The following STARD13 variants were observed in gnomAD, a reference collection of about 807,000 sequenced individuals.
STARD13 encodes StAR related lipid transfer domain containing 13, also known as stAR-related lipid transfer protein 13.
A neutral mutation model predicts 106.4 loss-of-function variants in STARD13; 62 were observed. That is an observed-to-expected ratio of 0.58 (90% CI 0.48 to 0.72). The LOEUF is 0.72. STARD13 is among the 30% of genes least tolerant of loss of function. STARD13 has a pLI of 0.00. For synonymous variants in STARD13, 565 were observed against 553.0 expected (o/e 1.02, Z -0.31); for missense variants, 1,387 against 1,424.0 (o/e 0.97, Z 0.42).
chr13:33,360,458 C>A, the STARD13 span, among the ~76,000 whole-genome samples: 1 of 151,750 alleles, frequency 6.6e-6, no homozygotes, highest in African/African-American at 2.4e-5. Flanking sequence ...CACACCTCGG[C>A]CTCCCAAAAT....
the STARD13 span, among the ~76,000 whole-genome samples, chr13:33,499,170 A>T: frequency 6.6e-6 from 1 of 152,140 alleles, no homozygotes; most frequent in East Asian, 1.9e-4. Flanking sequence ...AACAAAAACA[A>T]AAACAAATTT....
chr13:33,323,752 A>G (rs111457709), intron 1 of STARD13, among the ~76,000 whole-genome samples: 52 of 152,366 alleles, frequency 3.4e-4, no homozygotes, highest in African/African-American at 1.2e-3. Flanking sequence ...AGAAATATGC[A>G]TCATGCTCTT....
chr13:33,454,914 G>T, the STARD13 span, among the ~76,000 whole-genome samples: 1 of 152,190 alleles, frequency 6.6e-6, no homozygotes, highest in Non-Finnish European at 1.5e-5. Flanking sequence ...GAGAAGATTG[G>T]TGACTCAGTA....
At chr13:33,633,993 A>G in the STARD13 span, among the ~76,000 whole-genome samples, 1 of 152,224 alleles carries the variant, frequency 6.6e-6, no homozygotes, top group Admixed American at 6.5e-5. Flanking sequence ...GATTCATCAG[A>G]CAGTCTAGAC....
At chr13:33,414,032 CA>C in the STARD13 span, among the ~76,000 whole-genome samples, 119 of 48,172 alleles carry the variant, frequency 2.5e-3, no homozygotes, top group Middle Eastern at 0.011. Flanking sequence ...GATTCCCTCT[CA>C]AAAAAAAAAA....
At chr13:33,627,568 T>G in the STARD13 span, among the ~76,000 whole-genome samples, 1 of 150,132 alleles carries the variant, frequency 6.7e-6, no homozygotes, top group African/African-American at 2.5e-5. Flanking sequence ...ACCTGGGAGG[T>G]GGAGGTTGCA....
intron 1 of STARD13, among the ~76,000 whole-genome samples, chr13:33,223,054 T>G (rs1326630781): frequency 6.6e-6 from 1 of 152,236 alleles, no homozygotes; most frequent in Non-Finnish European, 1.5e-5. Context: ...AAGAATTTCA[T>G]TTCTGAAAAC....
chr13:33,383,754 C>CAAAAAAAAAAA, the STARD13 span: 1 of 27,774 alleles, frequency 3.6e-5, no homozygotes, highest in Non-Finnish European at 6.7e-5. Flanking sequence ...GAGACTGTCT[C>CAAAAAAAAAAA]AAAAAAAAAA....
intron 1 of STARD13, among the ~76,000 whole-genome samples, chr13:33,332,782 A>G (rs751250539): frequency 2.0e-5 from 3 of 152,142 alleles, no homozygotes; most frequent in Admixed American, 6.5e-5. Context: ...CAACACTTAC[A>G]TATAGTTATT....
chr13:33,481,774 T>C, the STARD13 span, among the ~76,000 whole-genome samples: 2 of 152,102 alleles, frequency 1.3e-5, no homozygotes, highest in Non-Finnish European at 2.9e-5. Context: ...GTTAGAAATA[T>C]AAGCACTATC....
chr13:33,182,630 A>G lies in STARD13; in HGVS notation c.170-15008T>C, dbSNP rs552091606. Among the ~76,000 whole-genome samples, 4 of 152,384 alleles carry G rather than the reference A, an allele frequency of 2.6e-5. No individual in the cohort carries two copies. The South Asian group carries it at 8.3e-4, about 32-fold the overall frequency. On this transcript the variant is annotated intron_variant, in intron 1 of 13. Transcript: ENST00000336934. ...ACAAAAAAAATCTCAAAATGTTTTA[A>G]GAAAATTTACAAATTTGTGTTGGGC...
intron 1 of STARD13, among the ~76,000 whole-genome samples, chr13:33,255,926 C>T (rs1379492549): frequency 6.6e-6 from 1 of 152,168 alleles, no homozygotes; most frequent in Non-Finnish European, 1.5e-5. Context: ...TAAGACTCTT[C>T]ATAAGCACTA....
At position 33,167,928 on chromosome 13, in the gene STARD13, A is replaced by G. The variant is rs61036045; in HGVS notation, c.170-306T>C. Among the ~76,000 whole-genome samples the G allele has an allele frequency of 7.0e-3, 1,067 of 152,164 alleles. 5 individuals are homozygous for G. The highest frequency in any genetic ancestry group is 0.023 in the African/African-American group (960 of 41,500). ...AGGCAGGGAAAAATGTCTTATTTAT[A>G]CACCAGGGAACCAGGGCACTAGGGG... On this transcript the variant is annotated intron_variant, in intron 1 of 13. Transcript: ENST00000336934.
At chr13:33,298,806 A>G (rs1892600937) in intron 1 of STARD13, among the ~76,000 whole-genome samples, 1 of 152,160 alleles carries the variant, frequency 6.6e-6, no homozygotes, top group Non-Finnish European at 1.5e-5. Flanking sequence ...TTTTGGAGAA[A>G]GATTGAATGG....
intron 1 of STARD13, among the ~76,000 whole-genome samples, chr13:33,259,983 G>A (rs1473319316): frequency 1.7e-5 from 2 of 119,298 alleles, no homozygotes; most frequent in Non-Finnish European, 3.3e-5. Context: ...GTAAGAAAGT[G>A]AGATTCCATC....
chr13:33,369,746 T>C, the STARD13 span, among the ~76,000 whole-genome samples: 6 of 152,310 alleles, frequency 3.9e-5, no homozygotes, highest in Middle Eastern at 0.01. Flanking sequence ...TTGAAGGCAG[T>C]TGGAAGAAAT....
At chr13:33,613,691 A>T in the STARD13 span, among the ~76,000 whole-genome samples, 1 of 152,212 alleles carries the variant, frequency 6.6e-6, no homozygotes, top group Non-Finnish European at 1.5e-5. Flanking sequence ...GAGTGAGAGA[A>T]TGAAGGTCCT....
chr13:33,198,124 C>T (rs901100281), intron 1 of STARD13, among the ~76,000 whole-genome samples: 19 of 152,184 alleles, frequency 1.2e-4, no homozygotes, highest in African/African-American at 2.7e-4. Flanking sequence ...GCCGAGATCA[C>T]GCCACTGCAC....
intron 1 of STARD13, among the ~76,000 whole-genome samples, chr13:33,178,224 G>T (rs1884898419): frequency 2.0e-5 from 3 of 152,114 alleles, no homozygotes; most frequent in African/African-American, 7.2e-5. Context: ...AATGCATTTT[G>T]AACATCTTTT....
Sources: allele counts gnomAD v4.1 joint callset (sites outside exome capture counted in the v4.1 genomes callset), GRCh38; gene constraint gnomAD v4.1.1; transcripts MANE v1.5; gene names NCBI Gene and HGNC (gene_info 2026-07-23, HGNC 2026-07-21).